Variants in MOB3B observed in about 807,000 individuals in gnomAD.
MOB3B encodes MOB kinase activator-like 2B.
In MOB3B, 7 loss-of-function variants were observed where a neutral mutation model predicts 18.7. The observed-to-expected ratio is 0.37, with a 90% CI of 0.21 to 0.70. The LOEUF (loss-of-function observed/expected upper bound fraction) is 0.70. Ranked by LOEUF, MOB3B falls within the 30% of genes least tolerant of loss-of-function variation. MOB3B has a pLI of 0.52. For missense variants in MOB3B, 253 were observed against 281.3 expected (o/e 0.90, Z 0.72); for synonymous variants, 111 against 99.9 (o/e 1.11, Z -0.66).
chr9:27,397,301 A>G (rs1409409667), intron 2 of MOB3B: 1 of 152,118 alleles, frequency 6.6e-6, no homozygotes, highest in Admixed American at 6.5e-5. Context: ...AGAAGTGGCA[A>G]AGAGAAAAAA....
At chr9:27,388,009 C>T (rs892895648) in intron 2 of MOB3B, among the ~76,000 whole-genome samples, 6 of 152,116 alleles carry the variant, frequency 3.9e-5, no homozygotes, top group Non-Finnish European at 7.3e-5. Flanking sequence ...GAGTCAGCTA[C>T]CACTGGCACC....
At position 27,500,427 on chromosome 9, in the gene MOB3B, C is replaced by CA. The variant is rs1219563905; in HGVS notation, c.-199+29127_-199+29128insT. ...ATAGACCAATGGAACAGAACAGACGCCTCAGAAATAACACCACAAATCTAC... is the reference window on the plus strand; with the variant it reads ...ATAGACCAATGGAACAGAACAGACGCACTCAGAAATAACACCACAAATCTAC... On this transcript the variant is annotated intron_variant, in intron 1 of 3. Transcript: ENST00000262244. Among the ~76,000 whole-genome samples the CA allele has an allele frequency of 1.8e-3, 270 of 152,152 alleles. 2 individuals are homozygous for CA. The highest frequency in any genetic ancestry group is 6.3e-3 in the African/African-American group (262 of 41,506).
chr9:27,420,842 T>C (rs1192465742), intron 2 of MOB3B, among the ~76,000 whole-genome samples: 1 of 129,314 alleles, frequency 7.7e-6, no homozygotes, highest in Non-Finnish European at 1.7e-5. Context: ...TATGGTGCAG[T>C]GTATACTGCC....
At chr9:27,413,324 G>C (rs1485998682) in intron 2 of MOB3B, among the ~76,000 whole-genome samples, 1 of 152,014 alleles carries the variant, frequency 6.6e-6, no homozygotes, top group Non-Finnish European at 1.5e-5. Flanking sequence ...TACTGAAATG[G>C]GACTTTTTTT....
intron 2 of MOB3B, among the ~76,000 whole-genome samples, chr9:27,369,319 A>G (rs1396013594): frequency 2.0e-5 from 3 of 152,214 alleles, no homozygotes; most frequent in Non-Finnish European, 4.4e-5. Flanking sequence ...TCTTTCTTCC[A>G]TTATGTGGGG....
chr9:27,519,345 T>C (rs1433786528), intron 1 of MOB3B, among the ~76,000 whole-genome samples: 1 of 152,196 alleles, frequency 6.6e-6, no homozygotes, highest in Admixed American at 6.5e-5. Flanking sequence ...GGGCTGATAA[T>C]ATAGATTTTT....
chr9:27,444,678 T>C (rs992971817), intron 2 of MOB3B, among the ~76,000 whole-genome samples: 1 of 152,212 alleles, frequency 6.6e-6, no homozygotes, highest in Non-Finnish European at 1.5e-5. Context: ...AGCTTTGTAG[T>C]TAGGCAAGTC....
chr9:27,462,902 G>T (rs567928613), intron 1 of MOB3B, among the ~76,000 whole-genome samples: 1 of 152,304 alleles, frequency 6.6e-6, no homozygotes, highest in South Asian at 2.1e-4. Context: ...AATACAGTTT[G>T]AATTTTCAAA....
rs139450117 is a variant in MOB3B, at chr9:27,325,777, T to C, written c.*4810A>G. 6.6e-6 allele frequency: 1 copy of C among 152,316 alleles called. No individual in the cohort carries two copies. Among genetic ancestry groups the C allele is most frequent in the African/African-American group, 2.4e-5 (1 of 41,564 alleles). 9.4% of individuals were successfully genotyped at this position (152,316 alleles called of 1,614,324 possible). ...CACATTTCCTCAAAGATAATGGCTATACTTTTCCCACAATCTTTTTGCTTT... is the reference window on the plus strand; with the variant it reads ...CACATTTCCTCAAAGATAATGGCTACACTTTTCCCACAATCTTTTTGCTTT... On this transcript the variant is annotated 3_prime_UTR_variant, in exon 4 of 4. Transcript: ENST00000262244.
chr9:27,481,323 G>A (rs1200977120), intron 1 of MOB3B, among the ~76,000 whole-genome samples: 1 of 152,076 alleles, frequency 6.6e-6, no homozygotes, highest in African/African-American at 2.4e-5. Flanking sequence ...AAAGATGATG[G>A]CAAACTGAAA....
At chr9:27,380,559 T>G (rs1197172254) in intron 2 of MOB3B, among the ~76,000 whole-genome samples, 1 of 152,172 alleles carries the variant, frequency 6.6e-6, no homozygotes, top group African/African-American at 2.4e-5. Flanking sequence ...TTCCATACTA[T>G]AAGGGCTGAA....
chr9:27,494,032 A>C (rs1819861637), intron 1 of MOB3B, among the ~76,000 whole-genome samples: 3 of 152,336 alleles, frequency 2.0e-5, no homozygotes, highest in Admixed American at 2.0e-4. Flanking sequence ...ATAGGCTTAT[A>C]AACAGCCCCC....
At chr9:27,454,693 A>AC (rs1822842237) in intron 2 of MOB3B, among the ~76,000 whole-genome samples, 1 of 152,148 alleles carries the variant, frequency 6.6e-6, no homozygotes, top group Non-Finnish European at 1.5e-5. Context: ...CAGAATTTGA[A>AC]CCCCCAGTTT....
At chr9:27,333,344 C>A (rs529170266) in intron 3 of MOB3B, among the ~76,000 whole-genome samples, 35 of 142,168 alleles carry the variant, frequency 2.5e-4, no homozygotes, top group African/African-American at 8.8e-4. Flanking sequence ...TGGGTGGAGC[C>A]AATGAGCTGT....
chr9:27,427,469 CCT>C (rs1217339443), intron 2 of MOB3B, among the ~76,000 whole-genome samples: 1 of 152,224 alleles, frequency 6.6e-6, no homozygotes, highest in Non-Finnish European at 1.5e-5. Flanking sequence ...TATGCAGCCA[CCT>C]CTCTGCTCCA....
chr9:27,480,819 A>C (rs1554652141), intron 1 of MOB3B, among the ~76,000 whole-genome samples: 1 of 152,268 alleles, frequency 6.6e-6, no homozygotes, highest in Non-Finnish European at 1.5e-5. Flanking sequence ...ATATGAAAAA[A>C]AGAAGGAATT....
rs145470455 is a variant in MOB3B at position 27,488,842 on chromosome 9, G to A, written c.-198-33094C>T. On this transcript the variant is annotated intron_variant, in intron 1 of 3. Coordinates refer to ENST00000262244, the MANE Select transcript of MOB3B (RefSeq NM_024761.5). The stretch of plus-strand genomic sequence containing the variant: ...AAGGAGAAAGTGCAGCTTACATAAC[G>A]TACACATTTCAAGGCTGCCTGTATT... Among the ~76,000 whole-genome samples, 16 of 152,254 alleles carry A rather than the reference G, an allele frequency of 1.1e-4. 1 individual carries two copies. The East Asian group carries it at 2.9e-3, about 28-fold the overall frequency.
At position 27,381,659 on chromosome 9, in the gene MOB3B, G is replaced by A. The variant is rs181841698; in HGVS notation, c.419-22423C>T. Among the ~76,000 whole-genome samples, 1,116 of 151,552 alleles carry A rather than the reference G, an allele frequency of 7.4e-3. 20 individuals are homozygous for A. Among genetic ancestry groups the A allele is most frequent in the African/African-American group, 0.026 (1,071 of 41,344 alleles). On this transcript the variant is annotated intron_variant, in intron 2 of 3. Transcript: ENST00000262244. ...CAGGTAGCCCTAGAACTTTTTTTTC[G>A]TTTAAGAGACAGGGTCTCACTCTGT... is the stretch of plus-strand genomic sequence containing the variant.
intron 1 of MOB3B, among the ~76,000 whole-genome samples, chr9:27,474,824 C>G (rs1434316980): frequency 6.6e-6 from 1 of 152,198 alleles, no homozygotes; most frequent in Admixed American, 6.5e-5. Context: ...AACATGCGTA[C>G]TTTTTCCCTC....
Sources: gnomAD v4.1 joint callset for allele counts (sites outside exome capture counted in the v4.1 genomes callset) on GRCh38, gnomAD v4.1.1 for gene constraint, MANE v1.5 for transcripts, NCBI Gene and HGNC (gene_info 2026-07-23, HGNC 2026-07-21) for gene names.